Variants in MEF2A observed in about 807,000 individuals in gnomAD.
The protein encoded by MEF2A is myocyte-specific enhancer factor 2A.
MEF2A carries 28 observed loss-of-function variants against 55.8 expected under a neutral mutation model. The ratio of observed to expected loss-of-function variants is 0.50; its 90% CI spans 0.37 to 0.69. MEF2A has a LOEUF of 0.69. Among genes scored for constraint, MEF2A ranks in the 30% least tolerant of loss-of-function variants. The pLI, the probability that MEF2A is intolerant of heterozygous loss-of-function variation, is 0.00. For missense variants in MEF2A, 528 were observed against 626.2 expected (o/e 0.84, Z 1.67); for synonymous variants, 239 against 227.1 (o/e 1.05, Z -0.47).
chr15:99,589,807 C>G (rs190918464), intron 1 of MEF2A, among the ~76,000 whole-genome samples: 1 of 152,026 alleles, frequency 6.6e-6, no homozygotes, highest in Admixed American at 6.5e-5. Context: ...TGTCCCCCCC[C>G]AAAAAAGTGT....
At chr15:99,690,652 C>T (rs545014708) in intron 8 of MEF2A, 71 of 641,912 alleles carry the variant, frequency 1.1e-4, no homozygotes, top group Non-Finnish European at 1.7e-4. Flanking sequence ...AAGCTAAATA[C>T]GAACGTGGTT....
At chr15:99,590,392 G>T (rs1968861713) in intron 1 of MEF2A, among the ~76,000 whole-genome samples, 2 of 145,916 alleles carry the variant, frequency 1.4e-5, no homozygotes, top group South Asian at 4.5e-4. Context: ...TATATAGTTG[G>T]GTCTTGTTTT....
At chr15:99,684,083 G>A (rs1466748935) in intron 7 of MEF2A, among the ~76,000 whole-genome samples, 2 of 151,424 alleles carry the variant, frequency 1.3e-5, no homozygotes, top group African/African-American at 2.4e-5. Flanking sequence ...GTACATATAT[G>A]TATATATATA....
intron 8 of MEF2A, among the ~76,000 whole-genome samples, chr15:99,693,225 C>G (rs1351277180): frequency 2.8e-4 from 42 of 152,036 alleles, no homozygotes; most frequent in Admixed American, 2.7e-3. Flanking sequence ...TGCTGAAATA[C>G]AAAGAGAAAG....
chr15:99,648,010 G>A (rs920493306), intron 4 of MEF2A, among the ~76,000 whole-genome samples: 1 of 152,118 alleles, frequency 6.6e-6, no homozygotes, highest in Non-Finnish European at 1.5e-5. Flanking sequence ...TCACATACGA[G>A]TTCTTTTTGC....
intron 4 of MEF2A, among the ~76,000 whole-genome samples, chr15:99,666,902 ATGC>A (rs1393294291): frequency 5.3e-5 from 8 of 152,200 alleles, no homozygotes; most frequent in Admixed American, 5.2e-4. Context: ...AACATTCTTA[ATGC>A]TGCAATATAA....
rs1237174712 is a variant in MEF2A, at chr15:99,715,293, ACTGT to A, written c.*2525_*2528del. On this transcript the variant is annotated 3_prime_UTR_variant, in exon 12 of 12. Coordinates refer to ENST00000557942, the MANE Select transcript of MEF2A (RefSeq NM_001319206.4). ...AATAGGAGTTAACACATTCACATTTACTGTCTATTTTCTTGTGTGCCTTATGAGA... is the reference window on the plus strand; with the variant it reads ...AATAGGAGTTAACACATTCACATTTACTATTTTCTTGTGTGCCTTATGAGA... The A allele has an allele frequency of 2.0e-5, 3 of 152,152 alleles. No individual in the cohort carries two copies. The highest frequency in any genetic ancestry group is 2.9e-5 in the Non-Finnish European group (2 of 68,028). 9.4% of individuals were successfully genotyped at this position (152,152 alleles called of 1,614,324 possible).
intron 1 of MEF2A, among the ~76,000 whole-genome samples, chr15:99,583,337 A>G (rs566411720): frequency 1.3e-5 from 2 of 152,282 alleles, no homozygotes; most frequent in Admixed American, 1.3e-4. Flanking sequence ...AGAGCATCCA[A>G]ACTTTTTCTA....
intron 9 of MEF2A, among the ~76,000 whole-genome samples, chr15:99,706,060 G>C (rs1037901278): frequency 2.6e-5 from 4 of 152,196 alleles, no homozygotes; most frequent in African/African-American, 9.7e-5. Context: ...CTACACAGAT[G>C]CATCCAGTTG....
At chr15:99,602,543 A>G (rs564128628) in intron 2 of MEF2A, among the ~76,000 whole-genome samples, 80 of 152,034 alleles carry the variant, frequency 5.3e-4, no homozygotes, top group African/African-American at 1.6e-3. Flanking sequence ...GGTGTTTTCT[A>G]TCTGTTGGGA....
chr15:99,712,301 T>G lies in MEF2A; in HGVS notation c.1137-89T>G. On this transcript the variant is annotated intron_variant, in intron 11 of 11. Transcript: ENST00000557942. This position sits in a 1 kb window ranked among gnomAD's most constrained non-coding sequence, Gnocchi z 4.1. ...TGATAAGATTTCAGACTCTGGGCCC[T>G]TTTCCATCAGGCAGTGTCTCTACTG... is the stretch of plus-strand genomic sequence containing the variant. The G allele has an allele frequency of 6.9e-7, 1 of 1,440,148 alleles. No homozygotes were observed. The highest frequency in any genetic ancestry group is 9.1e-7 in the Non-Finnish European group (1 of 1,098,072). The allele number at this position is 1,440,148 out of a possible 1,614,324, so 89.2% of individuals were successfully genotyped here.
At chr15:99,711,026 AGGATCTGAAG>A (rs2058583483) in intron 11 of MEF2A, among the ~76,000 whole-genome samples, 1 of 152,226 alleles carries the variant, frequency 6.6e-6, no homozygotes, top group African/African-American at 2.4e-5. Flanking sequence ...AGACTCAACC[AGGATCTGAAG>A]GGGTCTGAAG....
intron 8 of MEF2A, among the ~76,000 whole-genome samples, chr15:99,697,243 T>G (rs1174672542): frequency 1.3e-5 from 2 of 151,982 alleles, no homozygotes; most frequent in Admixed American, 1.3e-4. Context: ...CCAGTACAGT[T>G]AGGCAAAAAT....
At chr15:99,675,331 C>T in intron 6 of MEF2A, 68 bp from the exon 7 acceptor site, 6 of 1,307,716 alleles carry the variant, frequency 4.6e-6, no homozygotes, top group Non-Finnish European at 6.7e-6. Context: ...AGTTCACGTT[C>T]AGTTAGGTAA....
chr15:99,604,909 C>A (rs1017007695), intron 2 of MEF2A, among the ~76,000 whole-genome samples: 28 of 152,138 alleles, frequency 1.8e-4, no homozygotes, highest in African/African-American at 6.5e-4. Context: ...ATTCTCAATT[C>A]AAAGTAATCC....
intron 7 of MEF2A, chr15:99,681,816 G>C (rs572374044): frequency 6.6e-6 from 1 of 152,244 alleles, no homozygotes; most frequent in African/African-American, 2.4e-5. Flanking sequence ...TAGTGAGAAG[G>C]GGGTAAAGAG....
chr15:99,600,802 T>G (rs1972719792), intron 2 of MEF2A, among the ~76,000 whole-genome samples: 1 of 152,178 alleles, frequency 6.6e-6, no homozygotes, highest in Admixed American at 6.5e-5. Context: ...GAAGCTTTTA[T>G]AGTAAATCTT....
intron 4 of MEF2A, among the ~76,000 whole-genome samples, chr15:99,665,203 A>C (rs2049369489): frequency 6.6e-6 from 1 of 152,220 alleles, no homozygotes; most frequent in Admixed American, 6.5e-5. Flanking sequence ...TGGAGGTTCT[A>C]GCCAGGGCAC....
intron 1 of MEF2A, among the ~76,000 whole-genome samples, chr15:99,574,717 T>G (rs1963697542): frequency 6.6e-6 from 1 of 152,174 alleles, no homozygotes; most frequent in Non-Finnish European, 1.5e-5. Flanking sequence ...AGATGAAGGT[T>G]CACTCACTGG....
Sources: gnomAD v4.1 joint callset for allele counts (sites outside exome capture counted in the v4.1 genomes callset) on GRCh38, gnomAD v4.1.1 for gene constraint, Gnocchi (gnomAD v3.1) non-coding constraint, MANE v1.5 for transcripts, NCBI Gene and HGNC (gene_info 2026-07-23, HGNC 2026-07-21) for gene names.